The following NRG1 variants were observed in gnomAD, a reference collection of about 807,000 sequenced individuals.
The protein encoded by NRG1 is neuregulin 1.
A neutral mutation model predicts 63.8 loss-of-function variants in NRG1; 18 were observed. The ratio of observed to expected loss-of-function variants is 0.28; its 90% CI spans 0.19 to 0.42. The LOEUF (loss-of-function observed/expected upper bound fraction) is 0.42. NRG1 is among the 10% of genes least tolerant of loss of function. The pLI, the probability that NRG1 is intolerant of heterozygous loss-of-function variation, is 1.00. For missense variants in NRG1, 762 were observed against 814.7 expected (o/e 0.94, Z 0.79); for synonymous variants, 302 against 301.3 (o/e 1.00, Z -0.02).
chr8:32,098,145 G>GAA (rs78922653), intron 1 of NRG1, among the ~76,000 whole-genome samples: 52,751 of 152,054 alleles, frequency 0.35, 9,801 homozygotes, highest in East Asian at 0.5. Flanking sequence ...AAGAGGGCCT[G>GAA]ATGTCATAAA....
chr8:31,992,728 A>G (rs1326785354), intron 1 of NRG1, among the ~76,000 whole-genome samples: 1 of 152,050 alleles, frequency 6.6e-6, no homozygotes, highest in African/African-American at 2.4e-5. Flanking sequence ...AATAAAAGAC[A>G]TTGTGTAGGA....
At chr8:32,057,387 G>C (rs1003383456) in intron 1 of NRG1, among the ~76,000 whole-genome samples, 11 of 152,078 alleles carry the variant, frequency 7.2e-5, no homozygotes. Context: ...CTGCATGTTT[G>C]AACTTCACAA....
intron 1 of NRG1, among the ~76,000 whole-genome samples, chr8:32,032,635 T>C (rs1818442346): frequency 3.3e-5 from 5 of 152,186 alleles, no homozygotes; most frequent in Non-Finnish European, 7.3e-5. Flanking sequence ...GTTTTTTTCT[T>C]GTGAATGTGT....
At chr8:32,648,374 T>A in intron 5 of NRG1, 3 of 1,613,636 alleles carry the variant, frequency 1.9e-6, no homozygotes, top group Non-Finnish European at 8.5e-7. Context: ...TCCAAACTGC[T>A]CCTAAACTTT....
intron 1 of NRG1, among the ~76,000 whole-genome samples, chr8:32,358,150 G>C (rs778980136): frequency 6.6e-6 from 1 of 152,056 alleles, no homozygotes. Context: ...TGATGCAAAA[G>C]CTGGAGCTAC....
intron 1 of NRG1, among the ~76,000 whole-genome samples, chr8:32,352,041 T>A (rs1287085886): frequency 1.3e-5 from 2 of 151,880 alleles, no homozygotes; most frequent in Non-Finnish European, 1.5e-5. Flanking sequence ...ATCTGCCATG[T>A]CATCCAGCTT....
intron 5 of NRG1, among the ~76,000 whole-genome samples, chr8:32,682,789 C>G (rs1809027913): frequency 6.6e-6 from 1 of 152,090 alleles, no homozygotes; most frequent in Non-Finnish European, 1.5e-5. Flanking sequence ...GTCTTTTAAG[C>G]AATTCTCCTG....
intron 1 of NRG1, among the ~76,000 whole-genome samples, chr8:31,958,336 G>C (rs1340217231): frequency 2.0e-5 from 3 of 152,086 alleles, no homozygotes; most frequent in Non-Finnish European, 4.4e-5. Flanking sequence ...ATCAATTTGG[G>C]TACCATTTTG....
At chr8:32,671,581 C>A (rs1263669084) in intron 5 of NRG1, among the ~76,000 whole-genome samples, 1 of 152,154 alleles carries the variant, frequency 6.6e-6, no homozygotes. Flanking sequence ...TGTTAAGCAG[C>A]ATGTATGCAC....
At chr8:31,673,034 T>G (rs1204463905) in intron 1 of NRG1, among the ~76,000 whole-genome samples, 2 of 151,956 alleles carry the variant, frequency 1.3e-5, no homozygotes, top group African/African-American at 2.4e-5. Flanking sequence ...AACATTCTTG[T>G]CTCTGATATA....
chr8:32,270,742 C>T (rs1157358903), intron 1 of NRG1, among the ~76,000 whole-genome samples: 1 of 152,164 alleles, frequency 6.6e-6, no homozygotes, highest in African/African-American at 2.4e-5. Context: ...AGTGACCTCA[C>T]ATTAGCAGCT....
chr8:31,707,910 T>C (rs1369060253), intron 1 of NRG1, among the ~76,000 whole-genome samples: 6 of 152,248 alleles, frequency 3.9e-5, no homozygotes, highest in African/African-American at 9.6e-5. Flanking sequence ...AATTTGGTTG[T>C]AACTCGTCTA....
At chr8:31,855,823 C>T (rs919630181) in intron 1 of NRG1, among the ~76,000 whole-genome samples, 7 of 152,068 alleles carry the variant, frequency 4.6e-5, no homozygotes, top group African/African-American at 1.7e-4. Flanking sequence ...GACAAAATCT[C>T]TCAGCATTTG....
chr8:32,715,924 G>A (rs956218842), intron 5 of NRG1, among the ~76,000 whole-genome samples: 1 of 152,198 alleles, frequency 6.6e-6, no homozygotes, highest in African/African-American at 2.4e-5. Flanking sequence ...TTACAGGCGT[G>A]AGCCATCGTG....
chr8:32,018,193 C>A (rs192859219), intron 1 of NRG1, among the ~76,000 whole-genome samples: 1 of 152,224 alleles, frequency 6.6e-6, no homozygotes, highest in Admixed American at 6.5e-5. Flanking sequence ...GTATTTCAAC[C>A]CCAATTGTCC....
At chr8:32,088,083 C>T (rs997135104) in intron 1 of NRG1, among the ~76,000 whole-genome samples, 3 of 152,130 alleles carry the variant, frequency 2.0e-5, no homozygotes, top group Admixed American at 2.0e-4. Context: ...GGAAGGCTTC[C>T]TTTGGTTTCA....
intron 1 of NRG1, among the ~76,000 whole-genome samples, chr8:32,512,873 A>G (rs1000643646): frequency 1.3e-5 from 2 of 152,220 alleles, no homozygotes; most frequent in Admixed American, 1.3e-4. Context: ...GAAAACCACA[A>G]AGAAGAAATA....
At chr8:32,188,070 A>AT (rs796398786) in intron 1 of NRG1, among the ~76,000 whole-genome samples, 4,173 of 146,318 alleles carry the variant, frequency 0.029, 124 homozygotes, top group African/African-American at 0.079. Context: ...AGGATTATAG[A>AT]TTTTTTTTTT....
At chr8:32,644,351 G>A (rs1250745371) in intron 5 of NRG1, among the ~76,000 whole-genome samples, 2 of 152,166 alleles carry the variant, frequency 1.3e-5, no homozygotes, top group East Asian at 3.9e-4. Flanking sequence ...CTACAAACAT[G>A]CATGTTTTAT....
Sources: gnomAD v4.1 joint callset for allele counts (sites outside exome capture counted in the v4.1 genomes callset) on GRCh38, gnomAD v4.1.1 for gene constraint, MANE v1.5 for transcripts, NCBI Gene and HGNC (gene_info 2026-07-23, HGNC 2026-07-21) for gene names.